SHOC1: variants seen among roughly 807,000 people sequenced by gnomAD.
SHOC1 encodes protein shortage in chiasmata 1 ortholog.
SHOC1 carries 136 observed loss-of-function variants against 179.2 expected under a neutral mutation model. The observed-to-expected ratio is 0.76, with a 90% CI of 0.66 to 0.87. SHOC1 has a LOEUF of 0.87. SHOC1 is among the 40% of genes least tolerant of loss of function. The probability of loss-of-function intolerance (pLI) is 0.00; values close to 1 mark genes in which losing one functional copy is unlikely to be tolerated. For missense variants in SHOC1, 1,538 were observed against 1,700.8 expected (o/e 0.90, Z 1.68); for synonymous variants, 489 against 586.6 (o/e 0.83, Z 2.41).
chr9:111,735,963 C>T (rs1833796298), intron 12 of SHOC1, among the ~76,000 whole-genome samples: 1 of 152,106 alleles, frequency 6.6e-6, no homozygotes, highest in South Asian at 2.1e-4. Flanking sequence ...GATTTCATGT[C>T]TTTACTATTG....
chr9:111,788,388 C>A (rs1448730131), intron 2 of SHOC1, among the ~76,000 whole-genome samples: 1 of 152,096 alleles, frequency 6.6e-6, no homozygotes, highest in Non-Finnish European at 1.5e-5. Context: ...CTCAGGTGAT[C>A]TGCCCGCCTC....
chr9:111,721,586 C>T (rs564514805), intron 15 of SHOC1, among the ~76,000 whole-genome samples: 3 of 152,262 alleles, frequency 2.0e-5, no homozygotes, highest in South Asian at 2.1e-4. Context: ...ATGATCCACC[C>T]GCCTTGGCCT....
chr9:111,776,963 C>G (rs1294338777), intron 4 of SHOC1, among the ~76,000 whole-genome samples: 1 of 152,180 alleles, frequency 6.6e-6, no homozygotes, highest in Non-Finnish European at 1.5e-5. Flanking sequence ...AAATCAGTCT[C>G]CCTGAGCATT....
chr9:111,750,549 G>T (rs570688683), intron 8 of SHOC1, among the ~76,000 whole-genome samples: 16 of 152,266 alleles, frequency 1.1e-4, no homozygotes, highest in African/African-American at 3.1e-4. Flanking sequence ...TGGCCAGGCT[G>T]GTCTCAAACT....
At chr9:111,779,778 G>A (rs1434292730) in intron 4 of SHOC1, among the ~76,000 whole-genome samples, 1 of 152,092 alleles carries the variant, frequency 6.6e-6, no homozygotes, top group African/African-American at 2.4e-5. Context: ...AATTGAACCA[G>A]AATCTGCATT....
chr9:111,748,886 A>G (rs977337736), intron 8 of SHOC1, among the ~76,000 whole-genome samples: 2 of 93,092 alleles, frequency 2.1e-5, no homozygotes, highest in African/African-American at 8.5e-5. Flanking sequence ...TCCCTTTTTT[A>G]TCTTTTGGCT....
chr9:111,714,565 G>A lies in SHOC1; in HGVS notation c.2295C>T (p.Asp765=). Residue 765 remains aspartate, a synonymous_variant, in exon 17 of 28, where the codon GAC becomes GAT. Transcript: ENST00000682961. The stretch of plus-strand genomic sequence containing the variant: ...GTACAATCTCCAGCTGTCTCCAAAT[G>A]TCACCCAAATAGGGGCCTAAAATGC... ...YNSILGPYLG[D]IWRQLEIVQF... The A allele has an allele frequency of 1.9e-6, 3 of 1,613,794 alleles. No individual in the cohort carries two copies. The highest frequency in any genetic ancestry group is 2.5e-6 in the Non-Finnish European group (3 of 1,179,908).
At position 111,774,405 on chromosome 9, in the gene SHOC1, C is replaced by A. The variant is rs1048518079; in HGVS notation, c.442+1386G>T. On this transcript the variant is annotated intron_variant, in intron 5 of 27. Transcript: ENST00000682961. ...CCTTGAACACCTGGGTTCAAGCAAT[C>A]TTCCCACTTCAGCCTTACAAATAGC... Among the ~76,000 whole-genome samples, 3 of 152,288 alleles carry A rather than the reference C, an allele frequency of 2.0e-5. No individual in the cohort carries two copies. In the East Asian group the frequency reaches 5.8e-4, roughly 29 times the overall value.
At chr9:111,709,824 T>C (rs1832458881) in intron 18 of SHOC1, among the ~76,000 whole-genome samples, 1 of 152,188 alleles carries the variant, frequency 6.6e-6, no homozygotes, top group Non-Finnish European at 1.5e-5. Flanking sequence ...GGATTCTCCA[T>C]AATGGGCTTA....
At chr9:111,780,870 G>C in intron 4 of SHOC1, 60 bp downstream of exon 4, 1 of 1,163,708 alleles carries the variant, frequency 8.6e-7, no homozygotes, top group Admixed American at 1.9e-5. Context: ...GGTATCTGGA[G>C]AACTTACTGT....
At chr9:111,729,023 T>C (rs902656354) in intron 12 of SHOC1, among the ~76,000 whole-genome samples, 1 of 152,204 alleles carries the variant, frequency 6.6e-6, no homozygotes, top group East Asian at 1.9e-4. Context: ...AGTACATACT[T>C]TAATTTTAAA....
chr9:111,740,841 G>A (rs1281036705), intron 11 of SHOC1, among the ~76,000 whole-genome samples: 1 of 152,150 alleles, frequency 6.6e-6, no homozygotes, highest in African/African-American at 2.4e-5. Flanking sequence ...CAAAGTGCTG[G>A]GATTACAAGT....
chr9:111,693,421 C>CAAA (rs59200447), intron 26 of SHOC1, among the ~76,000 whole-genome samples: 20 of 85,822 alleles, frequency 2.3e-4, no homozygotes, highest in Non-Finnish European at 4.1e-4. Context: ...CCCGTTTCTA[C>CAAA]AAAAAAAAAA....
At chr9:111,709,690 T>C (rs1341537660) in intron 18 of SHOC1, among the ~76,000 whole-genome samples, 1 of 152,234 alleles carries the variant, frequency 6.6e-6, no homozygotes, top group African/African-American at 2.4e-5. Context: ...AGATATGCGA[T>C]ACAGAGTAAT....
At chr9:111,705,136 A>AT (rs1339008741) in intron 21 of SHOC1, 111 bp downstream of exon 21, 3 of 451,840 alleles carry the variant, frequency 6.6e-6, no homozygotes, top group Non-Finnish European at 7.9e-6. Flanking sequence ...GGAGACACAT[A>AT]TACAGCATAA....
At chr9:111,726,409 A>G (rs2131429933) in intron 13 of SHOC1, among the ~76,000 whole-genome samples, 1 of 152,286 alleles carries the variant, frequency 6.6e-6, no homozygotes, top group African/African-American at 2.4e-5. Context: ...TGAGTAGCTG[A>G]GATCACATGT....
intron 12 of SHOC1, among the ~76,000 whole-genome samples, chr9:111,728,316 A>G (rs1833402841): frequency 6.6e-6 from 1 of 152,206 alleles, no homozygotes; most frequent in African/African-American, 2.4e-5. Context: ...TCATAGGCTT[A>G]TGAATCATAC....
intron 8 of SHOC1, among the ~76,000 whole-genome samples, chr9:111,750,197 G>GT (rs1834512746): frequency 2.0e-5 from 3 of 151,802 alleles, no homozygotes; most frequent in African/African-American, 2.4e-5. Flanking sequence ...AACATCTATT[G>GT]TTTTTTTACT....
At position 111,738,424 on chromosome 9, in the gene SHOC1, C is replaced by A. The variant is rs780269291; in HGVS notation, c.1273G>T (p.Ala425Ser). 8.7e-6 allele frequency: 14 copies of A among 1,611,918 alleles called. No individual in the cohort carries two copies. Among genetic ancestry groups the A allele is most frequent in the Non-Finnish European group, 1.1e-5 (13 of 1,179,268 alleles). ...AGTCCTGCTTGTTTCCACCACTCTG[C>A]CTTTTCCAGATTAATCACAAGGCTT... ...EESLVINLEK[A>S]EWWKQAGLNL... Residue 425 changes from alanine (A) to serine (S), a missense_variant, in exon 12 of 28, where the codon GCA becomes TCA. Physicochemically the swap from Ala to Ser is moderately conservative, Grantham distance 99. Coordinates refer to ENST00000682961, the MANE Select transcript of SHOC1 (RefSeq NM_001378211.1).
Sources: allele counts gnomAD v4.1 joint callset (sites outside exome capture counted in the v4.1 genomes callset), GRCh38; gene constraint gnomAD v4.1.1; transcripts MANE v1.5; gene names NCBI Gene and HGNC (gene_info 2026-07-23, HGNC 2026-07-21).